Variants in CFAP46 observed in about 807,000 individuals in gnomAD.
The protein encoded by CFAP46 is cilia- and flagella-associated protein 46.
In CFAP46, 245 loss-of-function variants were observed where a neutral mutation model predicts 325.7. The ratio of observed to expected loss-of-function variants is 0.75; its 90% CI spans 0.68 to 0.84. The LOEUF (loss-of-function observed/expected upper bound fraction) is 0.84. Ranked by LOEUF, CFAP46 falls within the 40% of genes least tolerant of loss-of-function variation. The pLI is 0.00. For synonymous variants in CFAP46, 1,523 were observed against 1,495.9 expected, an observed-to-expected ratio of 1.02 and a Z score of -0.42; for missense variants, 3,346 against 3,543.0, an observed-to-expected ratio of 0.94 and a Z score of 1.41.
chr10:132,898,633 T>A, intron 24 of CFAP46: 1 of 394,586 alleles, frequency 2.5e-6, no homozygotes, highest in Non-Finnish European at 4.9e-6. Context: ...GTGGGGCCTG[T>A]CCTCCCTGCC....
chr10:132,940,207 G>A (rs1413833522), intron 4 of CFAP46, among the ~76,000 whole-genome samples: 2 of 152,170 alleles, frequency 1.3e-5, no homozygotes, highest in African/African-American at 4.8e-5. Flanking sequence ...CAGCAGACAA[G>A]CAGGCCGATG....
chr10:132,893,517 AAG>A (rs1349016013), intron 24 of CFAP46, among the ~76,000 whole-genome samples: 1 of 152,160 alleles, frequency 6.6e-6, no homozygotes, highest in African/African-American at 2.4e-5. Context: ...TCGCTTCACT[AAG>A]AGTCTCTGTT....
At position 132,937,585 on chromosome 10, in the gene CFAP46, C is replaced by T. The variant is rs752376819; in HGVS notation, c.627G>A (p.Val209=). Residue 209 remains valine (V), a synonymous_variant, in exon 6 of 58, where the codon GTG becomes GTA. Coordinates refer to ENST00000368586, the MANE Select transcript of CFAP46 (RefSeq NM_001200049.3). ...STAAPFIKSH[V]PQKYRQIFSV... is the part of the protein sequence containing the mutation. ...AGAATATCTGCCGGTATTTCTGTGG[C>T]ACGTGAGACTTAATGAACGGAGCTG... 6.2e-7 allele frequency: 1 copy of T among 1,613,670 alleles called. No individual in the cohort carries two copies. Among genetic ancestry groups the T allele is most frequent in the Non-Finnish European group, 8.5e-7 (1 of 1,179,970 alleles).
chr10:132,901,903 C>G (rs1461899043), intron 22 of CFAP46, among the ~76,000 whole-genome samples: 1 of 152,158 alleles, frequency 6.6e-6, no homozygotes, highest in African/African-American at 2.4e-5. Flanking sequence ...TAAAAACTGT[C>G]ATCCTTTGTA....
At chr10:132,929,826 A>T in intron 8 of CFAP46, 22 bp from the exon 9 acceptor site, 2 of 1,589,378 alleles carry the variant, frequency 1.3e-6, no homozygotes, top group Non-Finnish European at 1.7e-6. Context: ...CAAACCAGCC[A>T]GCACCGGCTC....
At chr10:132,891,898 A>G (rs1176355479) in intron 25 of CFAP46, among the ~76,000 whole-genome samples, 2 of 152,136 alleles carry the variant, frequency 1.3e-5, no homozygotes, top group Non-Finnish European at 2.9e-5. Context: ...GACCAAACCA[A>G]TGTGCACCAG....
chr10:132,880,019 G>A (rs1375993373), intron 28 of CFAP46, among the ~76,000 whole-genome samples: 1 of 152,156 alleles, frequency 6.6e-6, no homozygotes, highest in African/African-American at 2.4e-5. Context: ...CTGACAGGGG[G>A]CTAGAACCGC....
intron 22 of CFAP46, among the ~76,000 whole-genome samples, chr10:132,904,968 C>T (rs1249873543): frequency 1.3e-5 from 2 of 152,126 alleles, no homozygotes. Flanking sequence ...ATCACCTTGG[C>T]ACCTACGACG....
At chr10:132,908,214 C>T in intron 22 of CFAP46, 1 of 520,622 alleles carries the variant, frequency 1.9e-6, no homozygotes, top group Non-Finnish European at 3.5e-6. Flanking sequence ...TGGACTGGGC[C>T]TGGAGACCTG....
chr10:132,926,475 A>G lies in CFAP46; in HGVS notation c.1065+93T>C, dbSNP rs2135651441. 1.2e-5 allele frequency: 11 copies of G among 916,436 alleles called. No individual in the cohort carries two copies. In the South Asian group the frequency reaches 1.4e-4, roughly 12 times the overall value. 56.8% of individuals were successfully genotyped at this position (916,436 alleles called of 1,614,324 possible). On this transcript the variant is annotated intron_variant, in intron 10 of 57. Coordinates refer to ENST00000368586, the MANE Select transcript of CFAP46 (RefSeq NM_001200049.3). ...GCAGTGGGGTCCAGGCCATGTCCCC[A>G]GCACCCTCAAGCCTGGGACACACTC...
chr10:132,910,396 G>T (rs1849524027), intron 19 of CFAP46, among the ~76,000 whole-genome samples: 1 of 152,246 alleles, frequency 6.6e-6, no homozygotes, highest in Non-Finnish European at 1.5e-5. Context: ...TATCGGTTGG[G>T]GGTGGGGCAG....
intron 22 of CFAP46, among the ~76,000 whole-genome samples, chr10:132,907,085 C>T (rs919795288): frequency 2.6e-5 from 4 of 152,386 alleles, no homozygotes; most frequent in African/African-American, 9.6e-5. Context: ...GCCCTGGAGC[C>T]GTCCTGGTGT....
At position 132,882,795 on chromosome 10, in the gene CFAP46, C is replaced by T. The variant is rs866406817; in HGVS notation, c.3628-1763G>A. Among the ~76,000 whole-genome samples the T allele has an allele frequency of 2.6e-5, 4 of 151,988 alleles. No individual in the cohort carries two copies. The South Asian group carries it at 8.3e-4, about 32-fold the overall frequency. On this transcript the variant is annotated intron_variant, in intron 27 of 57. Transcript: ENST00000368586. The stretch of plus-strand genomic sequence containing the variant: ...GGCTTGGGAGCCACGTGAAGGATGC[C>T]CATGGATGGGGAAGGAGGGGAGCAG...
rs1015380898 is a variant in CFAP46 at position 132,851,520 on chromosome 10, G to A, written c.5575-215C>T. On this transcript the variant is annotated intron_variant, in intron 39 of 57. Transcript: ENST00000368586. ...GTAGCCCTTATCCCCAAATCTCTTC[G>A]CGTCCCCTCATGTTCCCTCCCGGTC... Among the ~76,000 whole-genome samples, 12 of 152,152 alleles carry A rather than the reference G, an allele frequency of 7.9e-5. No individual in the cohort carries two copies. In the East Asian group the frequency reaches 1.2e-3, roughly 15 times the overall value.
intron 27 of CFAP46, among the ~76,000 whole-genome samples, chr10:132,883,586 G>A (rs183557669): frequency 6.6e-6 from 1 of 152,364 alleles, no homozygotes; most frequent in East Asian, 1.9e-4. Flanking sequence ...CACACAGGGC[G>A]ACCGTGTGCC....
At position 132,937,277 on chromosome 10, in the gene CFAP46, TA is replaced by T. The variant is rs1329723900; in HGVS notation, c.661-223del. ...ATCTTTGTGAATTTTCTATTAACTT[TA>T]AAAAAATTCAAAGCTATTACAAAGG... On this transcript the variant is annotated intron_variant, in intron 6 of 57. Transcript: ENST00000368586. 10 of 538,504 alleles carry T rather than the reference TA, an allele frequency of 1.9e-5. No individual in the cohort carries two copies. In the Admixed American group the frequency reaches 3.3e-4, roughly 18 times the overall value. 33.4% of individuals were successfully genotyped at this position (538,504 alleles called of 1,614,324 possible).
intron 22 of CFAP46, among the ~76,000 whole-genome samples, chr10:132,902,636 C>G (rs999371350): frequency 6.6e-6 from 1 of 152,184 alleles, no homozygotes; most frequent in African/African-American, 2.4e-5. Flanking sequence ...GCTGTTTTTT[C>G]TATTCTACTC....
intron 50 of CFAP46, among the ~76,000 whole-genome samples, 155 bp from the exon 51 acceptor site, chr10:132,815,069 C>A (rs193009336): frequency 6.6e-6 from 1 of 152,036 alleles, no homozygotes; most frequent in Non-Finnish European, 1.5e-5. Flanking sequence ...GTAAAGTTGA[C>A]GTGGCAATAA....
intron 11 of CFAP46, among the ~76,000 whole-genome samples, chr10:132,924,000 G>C (rs527367288): frequency 6.6e-6 from 1 of 152,128 alleles, no homozygotes; most frequent in Non-Finnish European, 1.5e-5. Context: ...GACAGGGAGC[G>C]GGGGCTGAGC....
Sources: allele counts gnomAD v4.1 joint callset (sites outside exome capture counted in the v4.1 genomes callset), GRCh38; gene constraint gnomAD v4.1.1; transcripts MANE v1.5; gene names NCBI Gene and HGNC (gene_info 2026-07-23, HGNC 2026-07-21).